PASK: variants seen among roughly 807,000 people sequenced by gnomAD.
PASK encodes the protein PAS domain containing serine/threonine kinase, also known as PAS domain-containing serine/threonine-protein kinase.
In PASK, 110 loss-of-function variants were observed where a neutral mutation model predicts 121.0. The observed-to-expected ratio is 0.91, with a 90% CI of 0.78 to 1.06. The LOEUF (loss-of-function observed/expected upper bound fraction) is 1.06. Among genes scored for constraint, PASK ranks in the 50% least tolerant of loss-of-function variants. The probability of loss-of-function intolerance (pLI) is 0.00; values close to 1 mark genes in which losing one functional copy is unlikely to be tolerated. For missense variants in PASK, 1,643 were observed against 1,702.3 expected, an observed-to-expected ratio of 0.97 and a Z score of 0.61; for synonymous variants, 686 against 717.8, an observed-to-expected ratio of 0.96 and a Z score of 0.71.
intron 10 of PASK, among the ~76,000 whole-genome samples, chr2:241,124,942 G>A (rs192332784): frequency 1.0e-3 from 152 of 152,124 alleles, no homozygotes; most frequent in African/African-American, 3.5e-3. Context: ...CGAGGCGGGC[G>A]GATCACGAGG....
chr2:241,114,753 A>G (rs1575236328), intron 14 of PASK: 1 of 1,390,994 alleles, frequency 7.2e-7, no homozygotes, highest in East Asian at 2.6e-5. Flanking sequence ...GTTAATTTTT[A>G]TGATTGTTGT....
chr2:241,136,768 C>G (rs747003300), intron 7 of PASK, among the ~76,000 whole-genome samples: 12 of 152,256 alleles, frequency 7.9e-5, no homozygotes, highest in Non-Finnish European at 1.2e-4. Flanking sequence ...TCTCTCAGGG[C>G]TTCGAAGCAC....
rs1416580540 is a variant in PASK, at chr2:241,140,067, C to A, written c.430-12G>T. 1 of 1,611,806 alleles carries A rather than the reference C, an allele frequency of 6.2e-7. No homozygotes were observed. Among genetic ancestry groups the A allele is most frequent in the Non-Finnish European group, 8.5e-7 (1 of 1,178,388 alleles). Reference sequence around the variant, plus strand: ...TTAGCAACCAGGATCTGAGGAATCACAAAGAGGAGCAAGGATGCAGACATC... The same window carrying A: ...TTAGCAACCAGGATCTGAGGAATCAAAAAGAGGAGCAAGGATGCAGACATC... On this transcript the variant is annotated splice_polypyrimidine_tract_variant and intron_variant, in intron 3 of 17. Coordinates refer to ENST00000234040, the MANE Select transcript of PASK (RefSeq NM_015148.4).
At chr2:241,119,313 C>A (rs562898097) in intron 12 of PASK, among the ~76,000 whole-genome samples, 2 of 152,292 alleles carry the variant, frequency 1.3e-5, no homozygotes, top group South Asian at 4.1e-4. Context: ...GTGCCCTGTG[C>A]ACGCCACCCC....
chr2:241,144,377 G>A (rs756154180), intron 1 of PASK, among the ~76,000 whole-genome samples: 45 of 152,166 alleles, frequency 3.0e-4, no homozygotes, highest in Admixed American at 6.5e-5. Flanking sequence ...GCCCCCACCT[G>A]GTCATCCAGG....
At chr2:241,133,513 C>A (rs907453054) in intron 8 of PASK, 10 of 227,480 alleles carry the variant, frequency 4.4e-5, no homozygotes, top group East Asian at 1.1e-4. Context: ...AGACTGCATG[C>A]CCTCTTCCCC....
intron 2 of PASK, 36 bp from the exon 3 acceptor site, chr2:241,140,789 C>T (rs1210126638): frequency 7.1e-7 from 1 of 1,401,566 alleles, no homozygotes; most frequent in African/African-American, 1.4e-5. Context: ...TTAGACTTCA[C>T]ACAGCTGCCA....
chr2:241,116,014 GCATCCCATT>G lies in PASK; in HGVS notation c.3073-610_3073-602del, dbSNP rs2065344619. Among the ~76,000 whole-genome samples, 6 of 127,038 alleles carry G rather than the reference GCATCCCATT, an allele frequency of 4.7e-5. 1 individual carries two copies. The highest frequency in any genetic ancestry group is 2.3e-4 in the African/African-American group (6 of 26,342). The allele number at this position is 127,038 out of a possible 152,430, so 83.3% of individuals were successfully genotyped here. A position where few individuals can be genotyped will look rare whatever the true frequency, so the allele number is the denominator to read the frequency against. ...ACCAGGGGCCACCATCGGTCCTCAA[GCATCCCATT>G]ACGCCAGGGCCACCCAGTCCTCAAG... On this transcript the variant is annotated intron_variant, in intron 12 of 17. Coordinates refer to ENST00000234040, the MANE Select transcript of PASK (RefSeq NM_015148.4).
rs1158526194 is a variant in PASK, at chr2:241,112,150, A to C, written c.3533+90T>G. 5 of 991,914 alleles carry C rather than the reference A, an allele frequency of 5.0e-6. No homozygotes were observed. The highest frequency in any genetic ancestry group is 8.1e-6 in the Non-Finnish European group (5 of 618,778). 61.4% of individuals were successfully genotyped at this position (991,914 alleles called of 1,614,324 possible). A position where few individuals can be genotyped will look rare whatever the true frequency, so the allele number is the denominator to read the frequency against. On this transcript the variant is annotated intron_variant, in intron 15 of 17. Transcript: ENST00000234040. This position sits in a 1 kb window ranked among gnomAD's most constrained non-coding sequence, Gnocchi z 5.2. ...TCAACACTCATCACAAAGAGGCACA[A>C]AGGAAGCCATTTTCCCACCCAAAAT...
intron 2 of PASK, 104 bp from the exon 3 acceptor site, chr2:241,140,857 A>C (rs1575337330): frequency 1.3e-6 from 1 of 751,726 alleles, no homozygotes; most frequent in Admixed American, 2.0e-5. Context: ...TCCTGCAAAA[A>C]GATCTAAGGA....
Position 241,140,646 on chromosome 2 carries a change from G to C in PASK, c.304C>G (p.Arg102Gly). ...AGGGAGCAGCAGGACACACTGCCCC[G>C]CGGTTCGGACGGGTCCGTGTGCTCA... ...APEHTDPSEP[R>G]GSVSCCSLLR... The change falls in exon 3 of 18, where the codon CGG becomes GGG. Residue 102 changes from arginine to glycine, a missense_variant. Arg to Gly is a moderately radical substitution (Grantham distance 125). This residue lies in a region of PASK where 1,176 missense variants were observed against 1,162.2 expected (regional missense o/e 1.01). Transcript: ENST00000234040. The C allele has an allele frequency of 6.2e-7, 1 of 1,614,062 alleles. No homozygotes were observed. The highest frequency in any genetic ancestry group is 8.5e-7 in the Non-Finnish European group (1 of 1,179,876).
chr2:241,122,268 A>G (rs926988764), intron 12 of PASK, among the ~76,000 whole-genome samples: 1 of 152,180 alleles, frequency 6.6e-6, no homozygotes, highest in African/African-American at 2.4e-5. Context: ...TTATAATAAG[A>G]GAAAAGTCAC....
At chr2:241,113,637 G>A (rs1046670532) in intron 14 of PASK, 1 of 797,118 alleles carries the variant, frequency 1.3e-6, no homozygotes. Context: ...ACATGAACTT[G>A]AACATGGAAA....
At chr2:241,143,268 C>G (rs2066797022) in intron 1 of PASK, among the ~76,000 whole-genome samples, 194 bp from the exon 2 acceptor site, 1 of 152,166 alleles carries the variant, frequency 6.6e-6, no homozygotes, top group South Asian at 2.1e-4. Context: ...CCGGGCCAGG[C>G]ACGGTGGCGC....
chr2:241,150,187 G>A, upstream of PASK: 2 of 1,281,634 alleles, frequency 1.6e-6, no homozygotes, highest in Non-Finnish European at 9.8e-7. Flanking sequence ...ACTCTGCCTA[G>A]ACGTCCACTC....
At chr2:241,127,758 G>GT (rs1368483571) in intron 9 of PASK, 1 of 404,166 alleles carries the variant, frequency 2.5e-6, no homozygotes, top group African/African-American at 2.1e-5. Flanking sequence ...CAAACCCCCC[G>GT]TCAGCCGTGC....
At chr2:241,131,175 G>C (rs1049305528) in intron 9 of PASK, among the ~76,000 whole-genome samples, 11 of 148,928 alleles carry the variant, frequency 7.4e-5, no homozygotes, top group Admixed American at 5.4e-4. Context: ...TTGAGACGGA[G>C]TCTCACTCTG....
At chr2:241,138,255 CCTT>C (rs1398602549) in intron 5 of PASK, among the ~76,000 whole-genome samples, 168 bp from the exon 6 acceptor site, 2 of 152,356 alleles carry the variant, frequency 1.3e-5, no homozygotes, top group East Asian at 1.9e-4. Context: ...TCATCTGTCT[CCTT>C]CTACCAGAGA....
chr2:241,131,203 C>T (rs1239884710), intron 9 of PASK, among the ~76,000 whole-genome samples: 1 of 150,630 alleles, frequency 6.6e-6, no homozygotes, highest in Admixed American at 6.6e-5. Flanking sequence ...GGCTGGAGTG[C>T]AGTGGCGCGA....
Sources: allele counts gnomAD v4.1 joint callset (sites outside exome capture counted in the v4.1 genomes callset), GRCh38; gene constraint gnomAD v4.1.1; regional missense constraint gnomAD v4.1.1; non-coding constraint Gnocchi (gnomAD v3.1); transcripts MANE v1.5; gene names NCBI Gene and HGNC (gene_info 2026-07-23, HGNC 2026-07-21).